SDHC: variants seen among roughly 807,000 people sequenced by gnomAD.
SDHC encodes succinate dehydrogenase cytochrome b560 subunit, mitochondrial.
A neutral mutation model predicts 22.6 loss-of-function variants in SDHC; 11 were observed. The ratio of observed to expected loss-of-function variants is 0.49; its 90% CI spans 0.31 to 0.81. The LOEUF is 0.81. Among genes scored for constraint, SDHC ranks in the 30% least tolerant of loss-of-function variants. The pLI is 0.05. For synonymous variants in SDHC, 80 were observed against 77.8 expected (o/e 1.03, Z -0.15); for missense variants, 160 against 212.0 (o/e 0.75, Z 1.52).
chr1:161,331,428 A>G (rs1025537658), intron 3 of SDHC, among the ~76,000 whole-genome samples: 28 of 151,184 alleles, frequency 1.9e-4, no homozygotes, highest in African/African-American at 6.1e-4. Flanking sequence ...CACCACGCCC[A>G]GCTAATTTTT....
At chr1:161,331,441 A>C (rs569580033) in intron 3 of SDHC, among the ~76,000 whole-genome samples, 31 of 151,596 alleles carry the variant, frequency 2.0e-4, no homozygotes, top group Non-Finnish European at 3.4e-4. Context: ...TAATTTTTGT[A>C]TTTTTTTATA....
intron 5 of SDHC, among the ~76,000 whole-genome samples, chr1:161,357,821 T>G (rs1156245254): frequency 6.6e-6 from 1 of 152,196 alleles, no homozygotes; most frequent in African/African-American, 2.4e-5. Context: ...ACACTGGGGA[T>G]TCAGTTATGA....
rs1558175896 is a variant in SDHC at position 161,342,920 on chromosome 1, C to T, written c.241+2265C>T. Among the ~76,000 whole-genome samples, 6 of 152,300 alleles carry T rather than the reference C, an allele frequency of 3.9e-5. No homozygotes were observed. In the South Asian group the frequency reaches 1.2e-3, roughly 32 times the overall value. ...TACCTTATGTAAAGCTCTGTCTGAGCCCCTCCATCGCGTCTCTTTTGTTAC... is the reference window on the plus strand; with the variant it reads ...TACCTTATGTAAAGCTCTGTCTGAGTCCCTCCATCGCGTCTCTTTTGTTAC... On this transcript the variant is annotated intron_variant, in intron 4 of 5. Coordinates refer to ENST00000367975, the MANE Select transcript of SDHC (RefSeq NM_003001.5).
At position 161,356,837 on chromosome 1, in the gene SDHC, C is replaced by T. The variant is rs754213041; in HGVS notation, c.402C>T (p.His134=). 1.9e-6 allele frequency: 3 copies of T among 1,613,954 alleles called. No individual in the cohort carries two copies. Among genetic ancestry groups the T allele is most frequent in the Non-Finnish European group, 2.5e-6 (3 of 1,179,890 alleles). Residue 134 remains histidine (H), a synonymous_variant, in exon 5 of 6, where the codon CAC becomes CAT. Coordinates refer to ENST00000367975, the MANE Select transcript of SDHC (RefSeq NM_003001.5). ...LMYHTWNGIR[H]LMWDLGKGLK... Reference sequence around the variant, plus strand: ...ATCATACCTGGAATGGGATCCGACACTTGGTAAGTTAATTCGGGATTTGCA... The same window carrying T: ...ATCATACCTGGAATGGGATCCGACATTTGGTAAGTTAATTCGGGATTTGCA...
At chr1:161,350,581 G>A (rs1403941238) in intron 4 of SDHC, among the ~76,000 whole-genome samples, 4 of 151,968 alleles carry the variant, frequency 2.6e-5, no homozygotes, top group East Asian at 1.9e-4. Context: ...ACCCAATAAA[G>A]GTATTTTTTA....
chr1:161,315,699 G>C (rs1054525081), intron 1 of SDHC, among the ~76,000 whole-genome samples: 15 of 152,094 alleles, frequency 9.9e-5, no homozygotes, highest in Admixed American at 8.5e-4. Context: ...GTTGTGCAGC[G>C]CTGTCCACTG....
chr1:161,343,698 G>A (rs1455739341), intron 4 of SDHC, among the ~76,000 whole-genome samples: 1 of 152,052 alleles, frequency 6.6e-6, no homozygotes, highest in Non-Finnish European at 1.5e-5. Flanking sequence ...TTTCTAGATG[G>A]ATGCTTTCTA....
In SDHC at chr1:161,339,372, G is replaced by A. The variant is rs1419021315; in HGVS notation, c.180-1222G>A. On this transcript the variant is annotated intron_variant, in intron 3 of 5. Transcript: ENST00000367975. ...TAATTTTTTTTTTTTTTTTCGTAAAGATGGGGTCTCATTACGTTGCCTAGG... is the reference window on the plus strand; with the variant it reads ...TAATTTTTTTTTTTTTTTTCGTAAAAATGGGGTCTCATTACGTTGCCTAGG... Among the ~76,000 whole-genome samples, 6 of 143,408 alleles carry A rather than the reference G, an allele frequency of 4.2e-5. No homozygotes were observed. In the Admixed American group the frequency reaches 4.2e-4, roughly 10 times the overall value. 94.1% of individuals were successfully genotyped at this position (143,408 alleles called of 152,430 possible).
rs114668474 is a variant in SDHC, at chr1:161,333,892, C to T, written c.179+5395C>T. ...TCATGGTCCTAAAAATTCTTTTAGT[C>T]CCTTCCCACTGCCCAATTTCAAAGG... On this transcript the variant is annotated intron_variant, in intron 3 of 5. Transcript: ENST00000367975. Among the ~76,000 whole-genome samples, 1,472 of 152,262 alleles carry T rather than the reference C, an allele frequency of 9.7e-3. 20 individuals carry two copies. Among genetic ancestry groups the T allele is most frequent in the African/African-American group, 0.034 (1,406 of 41,560 alleles).
intron 4 of SDHC, 132 bp downstream of exon 4, chr1:161,340,787 T>TA: frequency 1.4e-6 from 1 of 739,628 alleles, no homozygotes; most frequent in East Asian, 2.5e-5. Flanking sequence ...TTAAGTTTAT[T>TA]GTTCATTCAT....
intron 1 of SDHC, 93 bp downstream of exon 1, chr1:161,314,518 C>T: frequency 6.7e-7 from 1 of 1,491,160 alleles, no homozygotes; most frequent in Non-Finnish European, 9.3e-7. Context: ...TATCCTGTGC[C>T]TGGGCAGGGA....
chr1:161,362,785 C>G lies in SDHC; in HGVS notation c.*352C>G, dbSNP rs76685915. On this transcript the variant is annotated 3_prime_UTR_variant, in exon 6 of 6. Coordinates refer to ENST00000367975, the MANE Select transcript of SDHC (RefSeq NM_003001.5). The stretch of plus-strand genomic sequence containing the variant: ...TGAGACAGTGGAAACAATGCCAGCT[C>G]TGTGGCTTCTGCCCTGGGGATGGGC... 2.0e-6 allele frequency: 1 copy of G among 506,686 alleles called. No homozygotes were observed. Among genetic ancestry groups the G allele is most frequent in the South Asian group, 2.1e-5 (1 of 48,068 alleles). The allele number at this position is 506,686 out of a possible 1,614,324, so 31.4% of individuals were successfully genotyped here. A position where few individuals can be genotyped will look rare whatever the true frequency, so the allele number is the denominator to read the frequency against.
At chr1:161,330,599 C>G (rs1209999005) in intron 3 of SDHC, among the ~76,000 whole-genome samples, 2 of 152,184 alleles carry the variant, frequency 1.3e-5, no homozygotes, top group African/African-American at 2.4e-5. Flanking sequence ...TTTTAACAGC[C>G]TCTTTTTTGT....
chr1:161,322,604 T>C (rs1037736722), intron 1 of SDHC, among the ~76,000 whole-genome samples: 2 of 151,810 alleles, frequency 1.3e-5, no homozygotes, highest in Admixed American at 6.6e-5. Context: ...TCTAGCCCTG[T>C]CACCCAGTCT....
At chr1:161,331,514 T>C (rs2102314764) in intron 3 of SDHC, among the ~76,000 whole-genome samples, 1 of 152,126 alleles carries the variant, frequency 6.6e-6, no homozygotes, top group Non-Finnish European at 1.5e-5. Context: ...GCTCCTGGGC[T>C]CAAGTGATCT....
chr1:161,342,476 C>A (rs1450710181), intron 4 of SDHC, among the ~76,000 whole-genome samples: 2 of 151,464 alleles, frequency 1.3e-5, no homozygotes, highest in Admixed American at 6.6e-5. Context: ...TGTGTACAAA[C>A]TTTTCTCTCC....
chr1:161,355,652 T>C (rs2102367318), intron 4 of SDHC, among the ~76,000 whole-genome samples: 1 of 152,212 alleles, frequency 6.6e-6, no homozygotes, highest in African/African-American at 2.4e-5. Context: ...TGATTTAAAA[T>C]TTTTCCTCTC....
At chr1:161,355,354 A>G (rs1355710502) in intron 4 of SDHC, among the ~76,000 whole-genome samples, 1 of 152,222 alleles carries the variant, frequency 6.6e-6, no homozygotes, top group Non-Finnish European at 1.5e-5. Flanking sequence ...TATTCTGGAT[A>G]AAAGTCCTCC....
chr1:161,338,747 G>GTAT (rs758249577), intron 3 of SDHC, among the ~76,000 whole-genome samples: 7 of 152,216 alleles, frequency 4.6e-5, no homozygotes, highest in Non-Finnish European at 8.8e-5. Flanking sequence ...GGATGACCAT[G>GTAT]TATTATATGA....
Sources: gnomAD v4.1 joint callset for allele counts (sites outside exome capture counted in the v4.1 genomes callset) on GRCh38, gnomAD v4.1.1 for gene constraint, MANE v1.5 for transcripts, NCBI Gene and HGNC (gene_info 2026-07-23, HGNC 2026-07-21) for gene names.